Variants in PDGFD observed in about 807,000 individuals in gnomAD.
PDGFD encodes the protein platelet derived growth factor D.
In PDGFD, 30 loss-of-function variants were observed where a neutral mutation model predicts 44.7. That is an observed-to-expected ratio of 0.67 (90% confidence interval 0.50 to 0.91). PDGFD has a LOEUF of 0.91. PDGFD is among the 40% of genes least tolerant of loss of function. PDGFD has a pLI of 0.00. For missense variants in PDGFD, 445 were observed against 457.8 expected (o/e 0.97, Z 0.25); for synonymous variants, 173 against 168.4 (o/e 1.03, Z -0.21).
intron 1 of PDGFD, among the ~76,000 whole-genome samples, chr11:104,114,578 C>T (rs361286): frequency 1.3e-5 from 2 of 151,720 alleles, no homozygotes; most frequent in Non-Finnish European, 2.9e-5. Flanking sequence ...TATCTCTTCA[C>T]GGTCATTTAT....
chr11:104,163,882 A>C lies in PDGFD; in HGVS notation c.46T>G (p.Cys16Gly). 6.3e-7 allele frequency: 1 copy of C among 1,577,684 alleles called. No homozygotes were observed. The highest frequency in any genetic ancestry group is 1.7e-5 in the Admixed American group (1 of 58,838). Residue 16 changes from cysteine (C) to glycine (G), a missense_variant, in exon 1 of 7, where the codon TGC becomes GGC. By Grantham distance (159) the Cys-to-Gly change is radical. Coordinates refer to ENST00000393158, the MANE Select transcript of PDGFD (RefSeq NM_025208.5). ...GTTGCAGAAGTGTCCCGACAGCTGC[A>C]AAAGTTTGCGCAGATTAGAGTGTAG... ...FVYTLICANFCSCRDTSATPQ... is the reference protein window; with the variant it reads ...FVYTLICANFGSCRDTSATPQ...
At chr11:104,089,024 T>G (rs1369067600) in intron 1 of PDGFD, among the ~76,000 whole-genome samples, 1 of 152,128 alleles carries the variant, frequency 6.6e-6, no homozygotes, top group African/African-American at 2.4e-5. Context: ...GTTAGAAAGA[T>G]GAGACAAATT....
chr11:104,088,024 T>C (rs1861159665), intron 1 of PDGFD, among the ~76,000 whole-genome samples: 1 of 152,268 alleles, frequency 6.6e-6, no homozygotes, highest in Non-Finnish European at 1.5e-5. Flanking sequence ...GAAGGCTTTA[T>C]ATTCTTGGTG....
At chr11:104,057,538 A>G (rs1448929963) in intron 1 of PDGFD, among the ~76,000 whole-genome samples, 1 of 152,104 alleles carries the variant, frequency 6.6e-6, no homozygotes, top group Non-Finnish European at 1.5e-5. Context: ...GGAGAGAGGG[A>G]GGAGAGAAAG....
intron 1 of PDGFD, among the ~76,000 whole-genome samples, chr11:104,056,594 A>G (rs1484801775): frequency 1.3e-5 from 2 of 152,120 alleles, no homozygotes; most frequent in Admixed American, 1.3e-4. Context: ...AGGATTCCTG[A>G]GAGTTAGAAG....
At chr11:103,984,833 TATTAA>T (rs1168178810) in intron 3 of PDGFD, among the ~76,000 whole-genome samples, 4 of 143,328 alleles carry the variant, frequency 2.8e-5, no homozygotes, top group Non-Finnish European at 6.0e-5. Context: ...ATATATAATA[TATTAA>T]TTTATTTAAT....
At chr11:103,993,685 C>G (rs1371704448) in intron 3 of PDGFD, among the ~76,000 whole-genome samples, 1 of 152,092 alleles carries the variant, frequency 6.6e-6, no homozygotes, top group Non-Finnish European at 1.5e-5. Flanking sequence ...TCTATCCCTG[C>G]TGAGCCAAGA....
chr11:103,967,938 G>T (rs990592620), intron 3 of PDGFD, among the ~76,000 whole-genome samples: 1 of 152,186 alleles, frequency 6.6e-6, no homozygotes, highest in Non-Finnish European at 1.5e-5. Flanking sequence ...CTGCAATTTT[G>T]ATTACTCTTC....
intron 3 of PDGFD, among the ~76,000 whole-genome samples, chr11:103,972,348 C>T (rs771886725): frequency 2.3e-4 from 35 of 152,156 alleles, no homozygotes; most frequent in Non-Finnish European, 4.1e-4. Context: ...TTGGGGGTTG[C>T]GGGGTATGCC....
At chr11:104,138,265 TTTTTTTA>T (rs1164565829) in intron 1 of PDGFD, among the ~76,000 whole-genome samples, 2 of 152,136 alleles carry the variant, frequency 1.3e-5, no homozygotes, top group Admixed American at 6.5e-5. Flanking sequence ...TATACATTAA[TTTTTTTA>T]CATTAAAAAA....
intron 3 of PDGFD, among the ~76,000 whole-genome samples, chr11:103,976,930 T>C (rs1048818671): frequency 8.6e-5 from 13 of 151,514 alleles, no homozygotes; most frequent in African/African-American, 2.4e-4. Flanking sequence ...ATTAACAAAA[T>C]AGATAGACCA....
At chr11:104,134,982 C>T (rs962703081) in intron 1 of PDGFD, among the ~76,000 whole-genome samples, 2 of 152,208 alleles carry the variant, frequency 1.3e-5, no homozygotes, top group African/African-American at 4.8e-5. Context: ...TGTGTCTGCC[C>T]TTGTCCAGTG....
At chr11:104,092,783 G>A (rs1331572725) in intron 1 of PDGFD, among the ~76,000 whole-genome samples, 1 of 152,114 alleles carries the variant, frequency 6.6e-6, no homozygotes, top group East Asian at 1.9e-4. Flanking sequence ...TACATAAACA[G>A]AAGAAAATCA....
chr11:104,097,014 A>C (rs531302025), intron 1 of PDGFD, among the ~76,000 whole-genome samples: 17 of 152,290 alleles, frequency 1.1e-4, no homozygotes, highest in African/African-American at 3.4e-4. Flanking sequence ...TTCTTCAACA[A>C]GTCAGGCCTT....
chr11:104,098,963 T>C (rs1032636348), intron 1 of PDGFD, among the ~76,000 whole-genome samples: 47 of 89,446 alleles, frequency 5.3e-4, no homozygotes, highest in African/African-American at 1.5e-3. Flanking sequence ...ATTGAGCAGG[T>C]TTTAAAAATC....
At chr11:104,123,396 T>C (rs1861804577) in intron 1 of PDGFD, among the ~76,000 whole-genome samples, 1 of 152,094 alleles carries the variant, frequency 6.6e-6, no homozygotes, top group African/African-American at 2.4e-5. Flanking sequence ...AGCAGGGCAA[T>C]TGTCTAGACA....
intron 1 of PDGFD, among the ~76,000 whole-genome samples, chr11:104,014,491 C>A (rs1859831458): frequency 1.3e-5 from 2 of 152,160 alleles, no homozygotes; most frequent in Admixed American, 6.5e-5. Flanking sequence ...GTGAGATCCT[C>A]TCTCCAAACA....
At chr11:104,119,156 TGATATAAC>T (rs1861706625) in intron 1 of PDGFD, among the ~76,000 whole-genome samples, 1 of 14,482 alleles carries the variant, frequency 6.9e-5, no homozygotes. Context: ...TATAATATAT[TGATATAAC>T]ATATAATATA....
intron 1 of PDGFD, among the ~76,000 whole-genome samples, chr11:104,155,170 T>C (rs1862289847): frequency 6.6e-6 from 1 of 152,166 alleles, no homozygotes. Context: ...TTCTTCAAGG[T>C]TTCTGTAGTA....
Sources: gnomAD v4.1 joint callset for allele counts (sites outside exome capture counted in the v4.1 genomes callset) on GRCh38, gnomAD v4.1.1 for gene constraint, MANE v1.5 for transcripts, NCBI Gene and HGNC (gene_info 2026-07-23, HGNC 2026-07-21) for gene names.